Variants in ANK2 observed in about 807,000 individuals in gnomAD.
ANK2 encodes ankyrin 2, also known as ankyrin-2.
ANK2 carries 83 observed loss-of-function variants against 360.5 expected under a neutral mutation model. That is an observed-to-expected ratio of 0.23 (90% confidence interval 0.19 to 0.28). The LOEUF is 0.28. Ranked by LOEUF, ANK2 falls within the 10% of genes least tolerant of loss-of-function variation. The probability of loss-of-function intolerance (pLI) is 1.00; values close to 1 mark genes in which losing one functional copy is unlikely to be tolerated. For synonymous variants in ANK2, 1,740 were observed against 1,759.5 expected (o/e 0.99, Z 0.28); for missense variants, 4,201 against 4,795.7 (o/e 0.88, Z 3.66).
rs994838268 is a variant in ANK2 at position 113,350,895 on chromosome 4, GATAAA to G, written c.4426+649_4426+653del. 58 of 151,264 alleles carry G rather than the reference GATAAA, an allele frequency of 3.8e-4. 2 individuals are homozygous for G. The highest frequency in any genetic ancestry group is 1.5e-5 in the Non-Finnish European group (1 of 67,958). 9.4% of individuals were successfully genotyped at this position (151,264 alleles called of 1,614,324 possible). A position where few individuals can be genotyped will look rare whatever the true frequency, so the allele number is the denominator to read the frequency against. On this transcript the variant is annotated intron_variant, in intron 37 of 45. Coordinates refer to ENST00000357077, the MANE Select transcript of ANK2 (RefSeq NM_001148.6). Reference sequence around the variant, plus strand: ...AAGAATGCAAAATTAAAACCCCCTGGATAAAATTACTAATCACAACAGCATGTTAT... The same window carrying G: ...AAGAATGCAAAATTAAAACCCCCTGGATTACTAATCACAACAGCATGTTAT...
intron 2 of ANK2, among the ~76,000 whole-genome samples, chr4:113,000,133 G>C (rs2050102455): frequency 6.6e-6 from 1 of 152,166 alleles, no homozygotes; most frequent in Non-Finnish European, 1.5e-5. Context: ...AAGAAAAGGG[G>C]GGTTGGCTCT....
intron 15 of ANK2, among the ~76,000 whole-genome samples, chr4:113,275,663 G>C (rs1229909678): frequency 6.6e-6 from 1 of 151,090 alleles, no homozygotes; most frequent in Non-Finnish European, 1.5e-5. Context: ...ATAAGAAATT[G>C]ACAATTATTG....
rs774126279 is a variant in ANK2 at position 113,355,419 on chromosome 4, A to G, written c.6801A>G (p.Thr2267=). 29 of 1,613,990 alleles carry G rather than the reference A, an allele frequency of 1.8e-5. No homozygotes were observed. The South Asian group carries it at 2.4e-4, about 13-fold the overall frequency. ...QTGETKESTK[T]ETTTEIRSEK... is the part of the protein sequence containing the mutation. ...GGGAAACAAAGGAAAGCACCAAGAC[A>G]GAAACCACCACAGAAATTCGTTCAG... is the stretch of plus-strand genomic sequence containing the variant. The change falls in exon 38 of 46, where the codon ACA becomes ACG. Residue 2267 remains threonine (T), a synonymous_variant. Coordinates refer to ENST00000357077, the MANE Select transcript of ANK2 (RefSeq NM_001148.6).
intron 2 of ANK2, among the ~76,000 whole-genome samples, chr4:113,175,045 T>G (rs1398405081): frequency 6.6e-6 from 1 of 152,220 alleles, no homozygotes; most frequent in Non-Finnish European, 1.5e-5. Flanking sequence ...TTATACACTT[T>G]GGATATTATT....
intron 2 of ANK2, among the ~76,000 whole-genome samples, chr4:112,961,792 A>T (rs997893638): frequency 2.0e-5 from 3 of 152,150 alleles, no homozygotes; most frequent in Non-Finnish European, 1.5e-5. Flanking sequence ...TGAGTTTGTG[A>T]GAAGTCAAAA....
intron 1 of ANK2, chr4:113,160,347 T>C (rs565081287): frequency 1.5e-4 from 65 of 421,176 alleles, no homozygotes; most frequent in Middle Eastern, 1.0e-3. Flanking sequence ...ATTACAGGCA[T>C]GAGTCACCAC....
At chr4:113,026,462 C>T (rs1328364804) in intron 2 of ANK2, among the ~76,000 whole-genome samples, 4 of 152,172 alleles carry the variant, frequency 2.6e-5, no homozygotes, top group Non-Finnish European at 5.9e-5. Flanking sequence ...CTACTCTTTC[C>T]TCTTCAACTA....
intron 2 of ANK2, among the ~76,000 whole-genome samples, chr4:112,964,873 A>G (rs1259694280): frequency 6.6e-6 from 1 of 152,088 alleles, no homozygotes; most frequent in Non-Finnish European, 1.5e-5. Flanking sequence ...CCGGCCATGT[A>G]CCACATTTTC....
intron 2 of ANK2, among the ~76,000 whole-genome samples, chr4:112,919,544 A>G (rs1646836196): frequency 1.3e-5 from 2 of 152,158 alleles, no homozygotes; most frequent in Admixed American, 6.5e-5. Flanking sequence ...GTGCCTAAGT[A>G]TTAACAGTGC....
intron 1 of ANK2, among the ~76,000 whole-genome samples, chr4:113,161,880 G>A (rs569986563): frequency 2.5e-4 from 38 of 152,284 alleles, no homozygotes; most frequent in African/African-American, 9.1e-4. Flanking sequence ...GCAGAGAAAT[G>A]GGAAGGAGTG....
chr4:112,781,629 AAC>A, the ANK2 span, among the ~76,000 whole-genome samples: 2 of 152,076 alleles, frequency 1.3e-5, no homozygotes, highest in East Asian at 1.9e-4. Context: ...AATCATAAAA[AAC>A]ACACAGACTC....
At chr4:113,285,050 G>A (rs371707640) in intron 18 of ANK2, among the ~76,000 whole-genome samples, 4 of 151,988 alleles carry the variant, frequency 2.6e-5, no homozygotes, top group Non-Finnish European at 4.4e-5. Flanking sequence ...AAAAAGATCC[G>A]TCGTTGGGTC....
At chr4:113,073,294 C>A (rs970202587) in intron 1 of ANK2, among the ~76,000 whole-genome samples, 1 of 152,086 alleles carries the variant, frequency 6.6e-6, no homozygotes, top group African/African-American at 2.4e-5. Context: ...TTTTGCACAA[C>A]ACCTGGCACA....
the ANK2 span, among the ~76,000 whole-genome samples, chr4:112,728,368 A>G: frequency 6.6e-6 from 1 of 151,780 alleles, no homozygotes; most frequent in Non-Finnish European, 1.5e-5. Flanking sequence ...ACAATTATAG[A>G]TCAACAAATT....
At chr4:113,316,475 A>G (rs2083046179) in intron 24 of ANK2, among the ~76,000 whole-genome samples, 1 of 152,254 alleles carries the variant, frequency 6.6e-6, no homozygotes, top group Non-Finnish European at 1.5e-5. Context: ...AAAATTAAAT[A>G]TACTTGCAAA....
chr4:113,219,543 A>C (rs935210972), intron 4 of ANK2, among the ~76,000 whole-genome samples: 3 of 152,016 alleles, frequency 2.0e-5, no homozygotes, highest in African/African-American at 7.2e-5. Context: ...TGTGTATCTT[A>C]TTTTGTGTTT....
At chr4:113,206,037 G>A (rs986368036) in intron 4 of ANK2, among the ~76,000 whole-genome samples, 1 of 151,790 alleles carries the variant, frequency 6.6e-6, no homozygotes. Context: ...TATTTTCAGG[G>A]TTTTCCCCCA....
At chr4:113,150,093 T>C (rs550860831) in intron 1 of ANK2, among the ~76,000 whole-genome samples, 1 of 152,066 alleles carries the variant, frequency 6.6e-6, no homozygotes, top group South Asian at 2.1e-4. Flanking sequence ...CTCGGTGCTC[T>C]GGGAACACCT....
At chr4:113,141,945 T>C (rs1346133527) in intron 1 of ANK2, among the ~76,000 whole-genome samples, 1 of 152,216 alleles carries the variant, frequency 6.6e-6, no homozygotes, top group Non-Finnish European at 1.5e-5. Context: ...TAAGAAGATA[T>C]TGCAAATATG....
Sources: allele counts gnomAD v4.1 joint callset (sites outside exome capture counted in the v4.1 genomes callset), GRCh38; gene constraint gnomAD v4.1.1; transcripts MANE v1.5; gene names NCBI Gene and HGNC (gene_info 2026-07-23, HGNC 2026-07-21).